SLC14A2: variants seen among roughly 807,000 people sequenced by gnomAD.
SLC14A2 encodes urea transporter 2.
Under a neutral mutation model 104.6 loss-of-function variants are expected in SLC14A2, and 91 were observed. The observed-to-expected ratio is 0.87, with a 90% CI of 0.73 to 1.04. SLC14A2 has a LOEUF of 1.04. SLC14A2 is among the 50% of genes least tolerant of loss of function. The probability of loss-of-function intolerance (pLI) is 0.00; values close to 1 mark genes in which losing one functional copy is unlikely to be tolerated. For missense variants in SLC14A2, 1,189 were observed against 1,156.0 expected (o/e 1.03, Z -0.41); for synonymous variants, 476 against 466.4 (o/e 1.02, Z -0.27).
At chr18:45,539,124 G>A (rs2043845095) in intron 2 of SLC14A2, among the ~76,000 whole-genome samples, 1 of 151,118 alleles carries the variant, frequency 6.6e-6, no homozygotes, top group African/African-American at 2.4e-5. Context: ...AAACTGGAGA[G>A]TCGAGGTCCT....
At chr18:45,528,329 A>C (rs2043629282) in intron 2 of SLC14A2, 2 of 152,046 alleles carry the variant, frequency 1.3e-5, no homozygotes, top group Admixed American at 1.3e-4. Context: ...TTAATCTTTC[A>C]ATATCATTCC....
intron 4 of SLC14A2, among the ~76,000 whole-genome samples, chr18:45,631,858 A>G (rs1483109629): frequency 6.6e-6 from 1 of 152,206 alleles, no homozygotes; most frequent in East Asian, 1.9e-4. Flanking sequence ...GGTGCAAGTC[A>G]TCTTCCCACC....
chr18:45,532,649 A>G (rs993851625), intron 2 of SLC14A2, among the ~76,000 whole-genome samples: 43 of 151,876 alleles, frequency 2.8e-4, no homozygotes, highest in Admixed American at 6.6e-4. Context: ...GCAAACAGGG[A>G]CAATTTGACT....
chr18:45,532,776 A>C (rs967467663), intron 2 of SLC14A2, among the ~76,000 whole-genome samples: 5 of 152,180 alleles, frequency 3.3e-5, no homozygotes, highest in Admixed American at 3.3e-4. Flanking sequence ...GTCTTCTGCT[A>C]GTTTTCAAAG....
intron 1 of SLC14A2, among the ~76,000 whole-genome samples, chr18:45,328,499 T>A (rs1015359804): frequency 4.6e-5 from 7 of 152,214 alleles, no homozygotes; most frequent in Non-Finnish European, 8.8e-5. Context: ...ATAAGACAAC[T>A]CAGTCTTGAG....
At position 45,649,209 on chromosome 18, in the gene SLC14A2, CTCT is replaced by C. The variant is rs374176292; in HGVS notation, c.1351+5051_1351+5053del. On this transcript the variant is annotated intron_variant, in intron 10 of 19. Transcript: ENST00000255226. Reference sequence around the variant, plus strand: ...AACAAAAACAAAAAGGCATATTTGTCTCTTATTATATAAAAACAAGATGAAAAA... The same window carrying C: ...AACAAAAACAAAAAGGCATATTTGTCTATTATATAAAAACAAGATGAAAAA... Among the ~76,000 whole-genome samples, 879 of 149,950 alleles carry C rather than the reference CTCT, an allele frequency of 5.9e-3. 5 individuals carry two copies. Among genetic ancestry groups the C allele is most frequent in the African/African-American group, 0.02 (820 of 40,536 alleles).
intron 1 of SLC14A2, among the ~76,000 whole-genome samples, chr18:45,357,769 G>A (rs540738289): frequency 2.6e-5 from 4 of 152,112 alleles, no homozygotes; most frequent in African/African-American, 9.7e-5. Flanking sequence ...TCAGGCAGTG[G>A]ACTTGCAGGA....
chr18:45,336,559 C>T (rs2085339880), intron 1 of SLC14A2, among the ~76,000 whole-genome samples: 1 of 152,104 alleles, frequency 6.6e-6, no homozygotes, highest in Non-Finnish European at 1.5e-5. Context: ...CATCAGTTTT[C>T]CCCCTGGATC....
chr18:45,205,352 G>C, the SLC14A2 span, among the ~76,000 whole-genome samples: 2 of 152,214 alleles, frequency 1.3e-5, no homozygotes, highest in Middle Eastern at 3.2e-3. Flanking sequence ...GGGCTGGACT[G>C]TTATTTTATC....
intron 1 of SLC14A2, among the ~76,000 whole-genome samples, chr18:45,420,270 A>G (rs537467677): frequency 6.6e-6 from 1 of 152,320 alleles, no homozygotes; most frequent in Admixed American, 6.5e-5. Flanking sequence ...TCTCAGAGTG[A>G]GTTATTCAAG....
chr18:45,335,733 C>T (rs535606805), intron 1 of SLC14A2, among the ~76,000 whole-genome samples: 157 of 152,270 alleles, frequency 1.0e-3, no homozygotes, highest in African/African-American at 3.5e-3. Context: ...ACTTCCCTTG[C>T]CAGAATGATT....
At chr18:45,626,107 T>C (rs2045254098) in intron 3 of SLC14A2, among the ~76,000 whole-genome samples, 1 of 152,204 alleles carries the variant, frequency 6.6e-6, no homozygotes, top group African/African-American at 2.4e-5. Context: ...ATTAAATGCA[T>C]TGATCTTAGT....
At chr18:45,646,299 G>A (rs979021260) in intron 10 of SLC14A2, 1 of 152,172 alleles carries the variant, frequency 6.6e-6, no homozygotes, top group African/African-American at 2.4e-5. Flanking sequence ...ACGTTTGAAG[G>A]GAGTGTGAAG....
chr18:45,639,026 G>T (rs1370754378), intron 6 of SLC14A2, among the ~76,000 whole-genome samples: 1 of 152,198 alleles, frequency 6.6e-6, no homozygotes, highest in Non-Finnish European at 1.5e-5. Context: ...CCCAATTCCA[G>T]CACCAAGTTA....
the SLC14A2 span, among the ~76,000 whole-genome samples, chr18:45,199,094 A>G: frequency 9.2e-5 from 14 of 152,316 alleles, no homozygotes; most frequent in Non-Finnish European, 2.1e-4. Context: ...GCATAAAATT[A>G]TACATTCACA....
intron 1 of SLC14A2, among the ~76,000 whole-genome samples, chr18:45,392,207 G>GC (rs1261720358): frequency 2.0e-5 from 3 of 152,128 alleles, no homozygotes; most frequent in Admixed American, 6.6e-5. Context: ...GGCCACTGTG[G>GC]CCCCCCAGAG....
At chr18:45,391,058 T>C (rs893317977) in intron 1 of SLC14A2, among the ~76,000 whole-genome samples, 1 of 152,136 alleles carries the variant, frequency 6.6e-6, no homozygotes, top group African/African-American at 2.4e-5. Context: ...TAGGTATATC[T>C]CCTAATGCTC....
chr18:45,257,205 T>C (rs149826922), intron 1 of SLC14A2, among the ~76,000 whole-genome samples: 1 of 152,334 alleles, frequency 6.6e-6, no homozygotes, highest in Non-Finnish European at 1.5e-5. Flanking sequence ...GAAGTGAACA[T>C]TAAACTGATC....
intron 1 of SLC14A2, among the ~76,000 whole-genome samples, chr18:45,341,063 G>A (rs547596261): frequency 2.0e-5 from 3 of 152,096 alleles, no homozygotes; most frequent in African/African-American, 7.3e-5. Flanking sequence ...AAGGGTGGCT[G>A]TAGAAAGGCT....
Sources: allele counts gnomAD v4.1 joint callset (sites outside exome capture counted in the v4.1 genomes callset), GRCh38; gene constraint gnomAD v4.1.1; transcripts MANE v1.5; gene names NCBI Gene and HGNC (gene_info 2026-07-23, HGNC 2026-07-21).